The following SERPINA12 variants were observed in gnomAD, a reference collection of about 807,000 sequenced individuals.
SERPINA12 encodes serpin A12.
In SERPINA12, 21 loss-of-function variants were observed where a neutral mutation model predicts 25.9. The observed-to-expected ratio is 0.81, with a 90% CI of 0.58 to 1.17. The LOEUF is 1.17. SERPINA12 is among the 50% of genes most tolerant of loss of function. SERPINA12 has a pLI of 0.00. For synonymous variants in SERPINA12, 220 were observed against 196.0 expected (o/e 1.12, Z -1.02); for missense variants, 562 against 508.3 (o/e 1.11, Z -1.02).
intron 3 of SERPINA12, among the ~76,000 whole-genome samples, chr14:94,495,012 C>T (rs1213358318): frequency 6.6e-6 from 1 of 151,982 alleles, no homozygotes; most frequent in Non-Finnish European, 1.5e-5. Context: ...TTGGCTCCTC[C>T]ATCCCAGTAC....
In SERPINA12 at chr14:94,498,440, G is replaced by A; in HGVS notation, c.-33-10C>T. On this transcript the variant is annotated splice_polypyrimidine_tract_variant and intron_variant, in intron 1 of 4. Coordinates refer to ENST00000677451, the MANE Select transcript of SERPINA12 (RefSeq NM_001382267.1). ...CTGTTGAGTAGTAGACCTGAGGTCA[G>A]CAGAAAAAAAGAACATGATAACCCC... The A allele has an allele frequency of 6.3e-7, 1 of 1,576,076 alleles. No individual in the cohort carries two copies. Among genetic ancestry groups the A allele is most frequent in the Admixed American group, 1.9e-5 (1 of 53,348 alleles).
chr14:94,492,263 A>G (rs1900208007), intron 3 of SERPINA12, among the ~76,000 whole-genome samples: 1 of 152,164 alleles, frequency 6.6e-6, no homozygotes, highest in Admixed American at 6.5e-5. Flanking sequence ...GATGAGAGGA[A>G]CTAGGGGCTG....
intron 2 of SERPINA12, 141 bp downstream of exon 2, chr14:94,497,623 A>G (rs1900492011): frequency 5.5e-6 from 4 of 721,262 alleles, no homozygotes; most frequent in Admixed American, 3.1e-5. Context: ...TAACCATTTT[A>G]CAGATAGGAA....
At chr14:94,489,842 A>T (rs1900088041) in intron 3 of SERPINA12, 75 bp from the exon 4 acceptor site, 3 of 1,442,150 alleles carry the variant, frequency 2.1e-6, no homozygotes, top group Middle Eastern at 2.0e-4. Context: ...ATACATGACC[A>T]ATGAAACATG....
intron 4 of SERPINA12, among the ~76,000 whole-genome samples, chr14:94,488,826 G>A (rs1380952880): frequency 6.6e-6 from 1 of 152,194 alleles, no homozygotes; most frequent in African/African-American, 2.4e-5. Flanking sequence ...TGGGCGCGGT[G>A]GCTCACGCCT....
chr14:94,493,592 G>A (rs1193048805), intron 3 of SERPINA12, among the ~76,000 whole-genome samples: 5 of 151,774 alleles, frequency 3.3e-5, no homozygotes, highest in Admixed American at 2.6e-4. Context: ...AGAGCAGCCT[G>A]CACTTTACAC....
chr14:94,497,650 G>A, intron 2 of SERPINA12, 114 bp downstream of exon 2: 1 of 961,526 alleles, frequency 1.0e-6, no homozygotes. Context: ...GGTTTTGAGA[G>A]ATAAATCACA....
upstream of SERPINA12, chr14:94,510,151 G>A (rs1188324181): frequency 6.1e-6 from 6 of 985,296 alleles, no homozygotes; most frequent in African/African-American, 1.0e-4. Context: ...GGTTCTCAGT[G>A]TACTCACCTG....
At chr14:94,512,027 G>A (rs1901125134), upstream of SERPINA12, among the ~76,000 whole-genome samples, 1 of 152,208 alleles carries the variant, frequency 6.6e-6, no homozygotes, top group African/African-American at 2.4e-5. Context: ...GAGCCCAGGA[G>A]GCAGAGGTTG....
intron 1 of SERPINA12, chr14:94,503,501 C>T: frequency 5.9e-6 from 1 of 170,836 alleles, no homozygotes; most frequent in Non-Finnish European, 1.2e-5. Context: ...CCCTCAAGAA[C>T]CTTCCAGCTG....
In SERPINA12 at chr14:94,490,634, C is replaced by T. The variant is rs1186036015; in HGVS notation, c.906-867G>A. Among the ~76,000 whole-genome samples, 6 of 152,200 alleles carry T rather than the reference C, an allele frequency of 3.9e-5. No individual in the cohort carries two copies. The South Asian group carries it at 8.3e-4, about 21-fold the overall frequency. ...AGAGATCTCTCTTGGCCCTGAATAG[C>T]CTCTCCAGCTTCCAGCTCATTTCTT... On this transcript the variant is annotated intron_variant, in intron 3 of 4. Coordinates refer to ENST00000677451, the MANE Select transcript of SERPINA12 (RefSeq NM_001382267.1).
upstream of SERPINA12, chr14:94,510,142 G>A (rs1446556272): frequency 8.0e-5 from 79 of 985,274 alleles, no homozygotes; most frequent in Non-Finnish European, 9.2e-5. Flanking sequence ...CCTTCCTCTG[G>A]TTCTCAGTGT....
intron 1 of SERPINA12, among the ~76,000 whole-genome samples, chr14:94,498,818 G>T (rs1900586158): frequency 6.6e-6 from 1 of 152,186 alleles, no homozygotes; most frequent in East Asian, 1.9e-4. Flanking sequence ...AAAGATGAGA[G>T]TGTGGACCAA....
At chr14:94,496,109 A>G (rs925996783) in intron 3 of SERPINA12, among the ~76,000 whole-genome samples, 14 of 152,066 alleles carry the variant, frequency 9.2e-5, no homozygotes, top group Non-Finnish European at 1.6e-4. Flanking sequence ...CTCAAATGCT[A>G]TCTCCTCTAT....
chr14:94,493,444 C>T (rs978440959), intron 3 of SERPINA12, among the ~76,000 whole-genome samples: 1 of 152,156 alleles, frequency 6.6e-6, no homozygotes, highest in African/African-American at 2.4e-5. Flanking sequence ...GTGGGGAGGC[C>T]TGGCCTCAAG....
In SERPINA12 at chr14:94,501,049, G is replaced by A. The variant is rs111583581; in HGVS notation, c.-33-2619C>T. On this transcript the variant is annotated intron_variant, in intron 1 of 4. Coordinates refer to ENST00000677451, the MANE Select transcript of SERPINA12 (RefSeq NM_001382267.1). ...TCTTGGTAAAACTTAATAACAGCTG[G>A]TGATGAACAAGGGCTCTATGGGCTG... The A allele has an allele frequency of 3.7e-4, 367 of 985,368 alleles. 2 individuals carry two copies. In the East Asian group the frequency reaches 0.014, roughly 38 times the overall value. The allele number at this position is 985,368 out of a possible 1,614,324, so 61.0% of individuals were successfully genotyped here.
At chr14:94,488,000 A>T (rs1388608392) in intron 4 of SERPINA12, among the ~76,000 whole-genome samples, 1 of 152,208 alleles carries the variant, frequency 6.6e-6, no homozygotes, top group Non-Finnish European at 1.5e-5. Context: ...CAGTACTGGG[A>T]AACTAACGGG....
chr14:94,493,593 C>A (rs1039710909), intron 3 of SERPINA12, among the ~76,000 whole-genome samples: 3 of 152,076 alleles, frequency 2.0e-5, no homozygotes, highest in Admixed American at 1.3e-4. Context: ...GAGCAGCCTG[C>A]ACTTTACACC....
intron 1 of SERPINA12, chr14:94,503,523 T>G (rs952202509): frequency 1.3e-5 from 2 of 155,990 alleles, no homozygotes; most frequent in African/African-American, 4.8e-5. Flanking sequence ...TTGCCTGACC[T>G]GGTCCTCCTC....
Sources: gnomAD v4.1 joint callset for allele counts (sites outside exome capture counted in the v4.1 genomes callset) on GRCh38, gnomAD v4.1.1 for gene constraint, MANE v1.5 for transcripts, NCBI Gene and HGNC (gene_info 2026-07-23, HGNC 2026-07-21) for gene names.